GPC5: variants seen among roughly 807,000 people sequenced by gnomAD.
The protein encoded by GPC5 is glypican-5.
Under a neutral mutation model 53.9 loss-of-function variants are expected in GPC5, and 47 were observed. The observed-to-expected ratio is 0.87, with a 90% CI of 0.69 to 1.11. The LOEUF is 1.11. Ranked by LOEUF, GPC5 falls within the 50% of genes most tolerant of loss-of-function variation. The pLI is 0.00. For missense variants in GPC5, 748 were observed against 713.1 expected, an observed-to-expected ratio of 1.05 and a Z score of -0.56; for synonymous variants, 286 against 263.3, an observed-to-expected ratio of 1.09 and a Z score of -0.84.
intron 5 of GPC5, among the ~76,000 whole-genome samples, chr13:91,871,296 G>A (rs2039141199): frequency 6.6e-6 from 1 of 152,088 alleles, no homozygotes; most frequent in Non-Finnish European, 1.5e-5. Flanking sequence ...ATAAGTGGGA[G>A]CTAAAGGATA....
chr13:91,671,739 T>G (rs935048055), intron 2 of GPC5, among the ~76,000 whole-genome samples: 1 of 96,702 alleles, frequency 1.0e-5, no homozygotes, highest in Non-Finnish European at 2.0e-5. Flanking sequence ...AAATTTTATA[T>G]GAAATCAAAG....
chr13:92,319,755 C>T (rs1427399326), intron 7 of GPC5, among the ~76,000 whole-genome samples: 1 of 152,174 alleles, frequency 6.6e-6, no homozygotes, highest in Non-Finnish European at 1.5e-5. Context: ...TTATGTATCA[C>T]ACATGTTATA....
chr13:91,633,646 T>C (rs546635656), intron 2 of GPC5, among the ~76,000 whole-genome samples: 1 of 152,160 alleles, frequency 6.6e-6, no homozygotes, highest in African/African-American at 2.4e-5. Context: ...GTTGACATCA[T>C]GAAGAATAAG....
intron 6 of GPC5, among the ~76,000 whole-genome samples, chr13:91,969,289 A>G (rs887700306): frequency 6.6e-6 from 1 of 152,126 alleles, no homozygotes; most frequent in Non-Finnish European, 1.5e-5. Flanking sequence ...ACTTTAAGTT[A>G]TTTCTTTGAT....
chr13:91,940,482 T>C (rs1380774706), intron 6 of GPC5, among the ~76,000 whole-genome samples: 1 of 152,156 alleles, frequency 6.6e-6, no homozygotes, highest in Non-Finnish European at 1.5e-5. Flanking sequence ...TTTAGTAGAA[T>C]AATTAATTTT....
rs1300907623 is a variant in GPC5 at position 92,385,753 on chromosome 13, G to GTGTATATATATACGTATATATACATATA, written c.1561+240778_1561+240805dup. ...CATGTATATATACGTATATATACAC[G>GTGTATATATATACGTATATATACATATA]TGTATATATATACGTATATATACAT... On this transcript the variant is annotated intron_variant, in intron 7 of 7. Coordinates refer to ENST00000377067, the MANE Select transcript of GPC5 (RefSeq NM_004466.6). 7.7e-5 allele frequency among the ~76,000 whole-genome samples: 8 copies of GTGTATATATATACGTATATATACATATA among 103,826 alleles called. No homozygotes were observed. The East Asian group carries it at 8.9e-4, about 12-fold the overall frequency. 68.1% of individuals were successfully genotyped at this position (103,826 alleles called of 152,430 possible). A position where few individuals can be genotyped will look rare whatever the true frequency, so the allele number is the denominator to read the frequency against.
intron 7 of GPC5, among the ~76,000 whole-genome samples, chr13:92,737,682 T>C (rs994014290): frequency 6.6e-6 from 1 of 151,958 alleles, no homozygotes; most frequent in Admixed American, 6.6e-5. Context: ...AAATACAGTC[T>C]TTTGAAGTGT....
intron 6 of GPC5, among the ~76,000 whole-genome samples, chr13:92,032,038 A>G (rs1469988356): frequency 7.3e-6 from 1 of 136,264 alleles, no homozygotes; most frequent in African/African-American, 2.7e-5. Flanking sequence ...ATATATAAAA[A>G]TTTATATATA....
chr13:92,346,144 C>T (rs1594117899), intron 7 of GPC5, among the ~76,000 whole-genome samples: 1 of 152,252 alleles, frequency 6.6e-6, no homozygotes, highest in East Asian at 1.9e-4. Context: ...CAAATGGCCA[C>T]TCAGCCAAAA....
At chr13:92,171,932 T>C (rs73622759) in intron 7 of GPC5, among the ~76,000 whole-genome samples, 1 of 152,206 alleles carries the variant, frequency 6.6e-6, no homozygotes, top group Non-Finnish European at 1.5e-5. Context: ...AGCTTCCTTG[T>C]ACTACCAACT....
At chr13:91,678,740 T>G (rs1220009221) in intron 2 of GPC5, among the ~76,000 whole-genome samples, 3 of 151,754 alleles carry the variant, frequency 2.0e-5, no homozygotes, top group East Asian at 3.9e-4. Context: ...AGTTTTTGTT[T>G]TTTTTTTTGT....
At chr13:92,614,082 T>G (rs1884597787) in intron 7 of GPC5, among the ~76,000 whole-genome samples, 3 of 152,088 alleles carry the variant, frequency 2.0e-5, no homozygotes, top group African/African-American at 7.2e-5. Flanking sequence ...TGCAAGAATT[T>G]TTAAGATATT....
At chr13:92,757,548 T>G (rs1229003889) in intron 7 of GPC5, among the ~76,000 whole-genome samples, 2 of 152,086 alleles carry the variant, frequency 1.3e-5, no homozygotes, top group Admixed American at 1.3e-4. Context: ...ACAGGCAACC[T>G]ACAAAATGGG....
chr13:92,347,388 A>C (rs1293638690), intron 7 of GPC5, among the ~76,000 whole-genome samples: 1 of 152,182 alleles, frequency 6.6e-6, no homozygotes, highest in African/African-American at 2.4e-5. Context: ...TGACATATTC[A>C]AAGTGCTGAA....
At chr13:91,689,263 A>T (rs1453171835) in intron 2 of GPC5, among the ~76,000 whole-genome samples, 4 of 138,508 alleles carry the variant, frequency 2.9e-5, no homozygotes, top group South Asian at 2.4e-4. Context: ...AATTTTTTTT[A>T]AAAAAGGTAC....
intron 3 of GPC5, among the ~76,000 whole-genome samples, chr13:91,701,549 CTG>C (rs143841432): frequency 0.033 from 4,870 of 148,070 alleles, 117 homozygotes; most frequent in African/African-American, 0.078. Flanking sequence ...TAATATTCCA[CTG>C]TGTGTGTGTG....
intron 6 of GPC5, among the ~76,000 whole-genome samples, chr13:92,077,127 A>G (rs568386525): frequency 6.6e-5 from 10 of 152,200 alleles, no homozygotes; most frequent in South Asian, 2.1e-4. Context: ...AACCAAACCA[A>G]TGTATTTCTT....
At chr13:92,828,366 GTTATT>G (rs537093164) in intron 7 of GPC5, among the ~76,000 whole-genome samples, 48 of 152,218 alleles carry the variant, frequency 3.2e-4, no homozygotes, top group African/African-American at 1.2e-3. Flanking sequence ...TTTTTACTTG[GTTATT>G]TTAAGTTAGC....
At chr13:92,515,704 C>A (rs907519278) in intron 7 of GPC5, among the ~76,000 whole-genome samples, 3 of 151,958 alleles carry the variant, frequency 2.0e-5, no homozygotes, top group Admixed American at 2.0e-4. Context: ...CTTTATTAAC[C>A]ACCAAAAATG....
Sources: allele counts gnomAD v4.1 joint callset (sites outside exome capture counted in the v4.1 genomes callset), GRCh38; gene constraint gnomAD v4.1.1; transcripts MANE v1.5; gene names NCBI Gene and HGNC (gene_info 2026-07-23, HGNC 2026-07-21).